The following UNC13B variants were observed in gnomAD, a reference collection of about 807,000 sequenced individuals.
UNC13B encodes the protein protein unc-13 homolog B.
Under a neutral mutation model 211.0 loss-of-function variants are expected in UNC13B, and 144 were observed. That is an observed-to-expected ratio of 0.68 (90% CI 0.60 to 0.78). UNC13B has a LOEUF of 0.78. Among genes scored for constraint, UNC13B ranks in the 30% least tolerant of loss-of-function variants. The probability of loss-of-function intolerance (pLI) is 0.00; values close to 1 mark genes in which losing one functional copy is unlikely to be tolerated. For missense variants in UNC13B, 1,777 were observed against 2,002.0 expected, an observed-to-expected ratio of 0.89 and a Z score of 2.14; for synonymous variants, 709 against 725.8, an observed-to-expected ratio of 0.98 and a Z score of 0.37.
At chr9:35,315,905 A>C (rs1020139329) in intron 11 of UNC13B, among the ~76,000 whole-genome samples, 1 of 152,184 alleles carries the variant, frequency 6.6e-6, no homozygotes, top group Non-Finnish European at 1.5e-5. Flanking sequence ...GAATTACACA[A>C]AAAAAATGAT....
Position 35,306,525 on chromosome 9 carries a change from ACTCTTTTTCACATG to A in UNC13B, c.7124_7137del (p.Ser2375Ter). On this transcript the variant is annotated frameshift_variant, in exon 9 of 40. Transcript: ENST00000635942. LOFTEE classifies it high-confidence loss of function. ...GCCTTCCCCAGTGACTCACTGTCCA[ACTCTTTTTCACATG>A]CTAAACAGTTAATTGAAAAATTCAA... 5.0e-6 allele frequency: 2 copies of A among 399,022 alleles called. No individual in the cohort carries two copies. Among genetic ancestry groups the A allele is most frequent in the South Asian group, 2.5e-4 (2 of 7,854 alleles). 24.7% of individuals were successfully genotyped at this position (399,022 alleles called of 1,614,324 possible).
At chr9:35,208,771 C>G (rs552264198) in intron 1 of UNC13B, among the ~76,000 whole-genome samples, 3 of 152,182 alleles carry the variant, frequency 2.0e-5, no homozygotes, top group African/African-American at 7.2e-5. Context: ...CCAGGCCCCA[C>G]CTCCAACACT....
At chr9:35,368,320 T>G (rs1333811737) in intron 12 of UNC13B, among the ~76,000 whole-genome samples, 1 of 152,250 alleles carries the variant, frequency 6.6e-6, no homozygotes, top group East Asian at 1.9e-4. Flanking sequence ...TTTGGTTTTC[T>G]GTTCCTGCAT....
intron 11 of UNC13B, among the ~76,000 whole-genome samples, chr9:35,355,429 C>T (rs2132088074): frequency 6.6e-6 from 1 of 152,268 alleles, no homozygotes; most frequent in South Asian, 2.1e-4. Flanking sequence ...ATTCTCTTTT[C>T]AAATTTCCCT....
At chr9:35,176,099 G>A (rs183778082) in intron 1 of UNC13B, among the ~76,000 whole-genome samples, 1 of 151,484 alleles carries the variant, frequency 6.6e-6, no homozygotes, top group Admixed American at 6.6e-5. Flanking sequence ...GAAGGAATCT[G>A]TAAGAAGGGG....
In UNC13B at chr9:35,350,001, G is replaced by A. The variant is rs192670309; in HGVS notation, c.9415-16946G>A. On this transcript the variant is annotated intron_variant, in intron 11 of 39. Transcript: ENST00000635942. ...ATCTCCATCAAATCTAGAAAATGGG[G>A]AAAGCATCCCTGGTCAAAGAACATG... Among the ~76,000 whole-genome samples, 324 of 152,312 alleles carry A rather than the reference G, an allele frequency of 2.1e-3. 1 individual carries two copies. The highest frequency in any genetic ancestry group is 6.8e-3 in the Middle Eastern group (2 of 294).
intron 1 of UNC13B, among the ~76,000 whole-genome samples, chr9:35,194,464 G>T (rs531032925): frequency 3.3e-5 from 5 of 152,170 alleles, no homozygotes; most frequent in South Asian, 4.1e-4. Context: ...TTACAGCCCC[G>T]CACAATGGCT....
chr9:35,403,369 GA>G, intron 38 of UNC13B, 70 bp from the exon 39 acceptor site: 2 of 1,603,936 alleles, frequency 1.2e-6, no homozygotes, highest in Non-Finnish European at 1.7e-6. Context: ...CCTCCAAGGG[GA>G]AGGTCACCTG....
intron 11 of UNC13B, among the ~76,000 whole-genome samples, chr9:35,362,425 A>T (rs978528060): frequency 6.6e-6 from 1 of 152,228 alleles, no homozygotes; most frequent in Non-Finnish European, 1.5e-5. Flanking sequence ...TCTGAAGGTT[A>T]GGTATAACTC....
chr9:35,222,897 C>T (rs1245607036), intron 1 of UNC13B, among the ~76,000 whole-genome samples: 1 of 152,134 alleles, frequency 6.6e-6, no homozygotes, highest in Non-Finnish European at 1.5e-5. Flanking sequence ...CTACTCTCTG[C>T]CTCCAGGAGA....
chr9:35,249,611 A>G (rs1826335564), intron 6 of UNC13B, among the ~76,000 whole-genome samples: 1 of 152,148 alleles, frequency 6.6e-6, no homozygotes, highest in Non-Finnish European at 1.5e-5. Context: ...TCCTTCACTT[A>G]TGAAGCTTAG....
At chr9:35,184,917 C>T (rs2131320113) in intron 1 of UNC13B, among the ~76,000 whole-genome samples, 1 of 151,726 alleles carries the variant, frequency 6.6e-6, no homozygotes, top group South Asian at 2.1e-4. Flanking sequence ...CCTTTGAGTC[C>T]TATGTTCTTA....
intron 6 of UNC13B, among the ~76,000 whole-genome samples, chr9:35,248,986 G>A (rs1466738720): frequency 6.6e-6 from 1 of 152,164 alleles, no homozygotes; most frequent in Non-Finnish European, 1.5e-5. Context: ...TTGTGTAGGA[G>A]TCTAAGTCTC....
At chr9:35,242,483 T>C (rs577334165) in intron 5 of UNC13B, among the ~76,000 whole-genome samples, 1 of 152,306 alleles carries the variant, frequency 6.6e-6, no homozygotes, top group Non-Finnish European at 1.5e-5. Context: ...GACCATTCTT[T>C]CTTTTCTGTG....
intron 11 of UNC13B, among the ~76,000 whole-genome samples, chr9:35,332,504 T>C (rs1831429347): frequency 6.6e-6 from 1 of 152,234 alleles, no homozygotes; most frequent in Non-Finnish European, 1.5e-5. Context: ...ACTTAGATCA[T>C]TTGCCAGCTC....
chr9:35,247,665 TG>T (rs1297939479), intron 6 of UNC13B, among the ~76,000 whole-genome samples: 4 of 152,212 alleles, frequency 2.6e-5, no homozygotes, highest in Non-Finnish European at 5.9e-5. Context: ...TTTATTGATT[TG>T]TGTATGTTGA....
chr9:35,206,418 T>C (rs907159139), intron 1 of UNC13B, among the ~76,000 whole-genome samples: 1 of 152,148 alleles, frequency 6.6e-6, no homozygotes, highest in African/African-American at 2.4e-5. Flanking sequence ...CTAATCTGTC[T>C]TCTGTCTCTA....
intron 17 of UNC13B, 144 bp from the exon 18 acceptor site, chr9:35,380,326 G>T: frequency 1.1e-6 from 1 of 889,322 alleles, no homozygotes; most frequent in Non-Finnish European, 1.7e-6. Context: ...CAACTTTCTT[G>T]GAACTTTTGT....
Position 35,404,247 on chromosome 9 carries a change from G to A in UNC13B, c.*214G>A. The A allele has an allele frequency of 3.3e-6, 2 of 615,010 alleles. No individual in the cohort carries two copies. The highest frequency in any genetic ancestry group is 5.6e-6 in the Non-Finnish European group (2 of 358,390). The allele number at this position is 615,010 out of a possible 1,614,324, so 38.1% of individuals were successfully genotyped here. A position where few individuals can be genotyped will look rare whatever the true frequency, so the allele number is the denominator to read the frequency against. The stretch of plus-strand genomic sequence containing the variant: ...CAACAGGACTGTGGTACTAGGGGCT[G>A]GGATGTGGGGTTACCACATGGAGAG... On this transcript the variant is annotated 3_prime_UTR_variant, in exon 40 of 40. Coordinates refer to ENST00000635942, the MANE Select transcript of UNC13B (RefSeq NM_001371189.2).
Sources: allele counts gnomAD v4.1 joint callset (sites outside exome capture counted in the v4.1 genomes callset), GRCh38; gene constraint gnomAD v4.1.1; transcripts MANE v1.5; gene names NCBI Gene and HGNC (gene_info 2026-07-23, HGNC 2026-07-21).